HECW1: variants seen among roughly 807,000 people sequenced by gnomAD.
HECW1 encodes HECT, C2 and WW domain containing E3 ubiquitin protein ligase 1.
A neutral mutation model predicts 182.3 loss-of-function variants in HECW1; 61 were observed. That is an observed-to-expected ratio of 0.33 (90% CI 0.27 to 0.41). The LOEUF (loss-of-function observed/expected upper bound fraction) is 0.41, where lower values mean the gene tolerates loss of function less well. HECW1 is among the 10% of genes least tolerant of loss of function. HECW1 has a pLI of 1.00. For missense variants in HECW1, 1,739 were observed against 2,108.9 expected (o/e 0.82, Z 3.44); for synonymous variants, 859 against 832.6 (o/e 1.03, Z -0.55).
chr7:43,264,617 G>T (rs544413295), intron 3 of HECW1, among the ~76,000 whole-genome samples: 1 of 151,970 alleles, frequency 6.6e-6, no homozygotes, highest in Non-Finnish European at 1.5e-5. Context: ...AGGCCAAGGC[G>T]GGCAGATCAC....
intron 8 of HECW1, among the ~76,000 whole-genome samples, chr7:43,431,892 T>C (rs2152866142): frequency 6.6e-6 from 1 of 151,586 alleles, no homozygotes; most frequent in African/African-American, 2.4e-5. Flanking sequence ...TTTTTTTTTT[T>C]TTGAGATGGA....
At position 43,320,717 on chromosome 7, in the gene HECW1, C is replaced by A; in HGVS notation, c.435C>A (p.Ile145=). The stretch of plus-strand genomic sequence containing the variant: ...ATCGGGGCCAGATCATCTGGAAGAT[C>A]GATGCCAGCTCGTACTTTGTGGAAC... ...GSHRGQIIWK[I]DASSYFVEPE... is the part of the protein sequence containing the mutation. Residue 145 remains isoleucine, a synonymous_variant, in exon 5 of 30, where the codon ATC becomes ATA. Coordinates refer to ENST00000395891, the MANE Select transcript of HECW1 (RefSeq NM_015052.5). 6.2e-7 allele frequency: 1 copy of A among 1,613,880 alleles called. No individual in the cohort carries two copies. The highest frequency in any genetic ancestry group is 8.5e-7 in the Non-Finnish European group (1 of 1,179,784).
chr7:43,237,837 C>T (rs1002223808), intron 2 of HECW1, among the ~76,000 whole-genome samples: 4 of 151,528 alleles, frequency 2.6e-5, no homozygotes, highest in South Asian at 2.1e-4. Flanking sequence ...GTCTTTCCCC[C>T]CCGCCGCCCC....
chr7:43,373,175 C>CACGTTGGTG (rs759437067), intron 6 of HECW1, among the ~76,000 whole-genome samples: 1 of 150,522 alleles, frequency 6.6e-6, no homozygotes, highest in Non-Finnish European at 1.5e-5. Context: ...GCTGCCCATG[C>CACGTTGGTG]ACGTTGGTGT....
intron 3 of HECW1, among the ~76,000 whole-genome samples, chr7:43,262,240 A>ATGTGCGTGTGTG (rs1554333023): frequency 9.6e-6 from 1 of 103,780 alleles, no homozygotes; most frequent in Non-Finnish European, 2.0e-5. Context: ...ATATATATGT[A>ATGTGCGTGTGTG]TGTGTGCGTG....
intron 26 of HECW1, among the ~76,000 whole-genome samples, chr7:43,543,401 C>T (rs1025454105): frequency 1.3e-5 from 2 of 152,144 alleles, no homozygotes; most frequent in Non-Finnish European, 2.9e-5. Flanking sequence ...AAAAACATGC[C>T]TCTGAAGAAT....
At chr7:43,308,041 GTA>G (rs1807867031) in intron 3 of HECW1, among the ~76,000 whole-genome samples, 1 of 107,526 alleles carries the variant, frequency 9.3e-6, no homozygotes, top group Non-Finnish European at 1.7e-5. Flanking sequence ...ATATTATATT[GTA>G]TTATATATAA....
intron 11 of HECW1, among the ~76,000 whole-genome samples, chr7:43,450,272 A>G (rs906003535): frequency 9.2e-5 from 14 of 151,370 alleles, no homozygotes; most frequent in African/African-American, 3.4e-4. Context: ...CAGCTTTCCT[A>G]CTACAGGAAT....
chr7:43,290,560 G>T (rs1805273636), intron 3 of HECW1, among the ~76,000 whole-genome samples: 1 of 152,212 alleles, frequency 6.6e-6, no homozygotes, highest in East Asian at 1.9e-4. Context: ...CTCCCTTCTT[G>T]TCATGGATGG....
At chr7:43,358,637 TAATC>T (rs1349054394) in intron 5 of HECW1, among the ~76,000 whole-genome samples, 1 of 152,094 alleles carries the variant, frequency 6.6e-6, no homozygotes, top group Non-Finnish European at 1.5e-5. Context: ...ACCCTACTAA[TAATC>T]AAATAAATGA....
chr7:43,162,653 A>G (rs949934479), intron 2 of HECW1, among the ~76,000 whole-genome samples: 25 of 152,242 alleles, frequency 1.6e-4, no homozygotes, highest in African/African-American at 5.5e-4. Flanking sequence ...CATTCATCTT[A>G]TTACAGGCAG....
chr7:43,261,511 A>C (rs929027843), intron 3 of HECW1, among the ~76,000 whole-genome samples: 1 of 152,196 alleles, frequency 6.6e-6, no homozygotes, highest in Non-Finnish European at 1.5e-5. Flanking sequence ...CTTGGGGGTT[A>C]AATGCAGCTG....
intron 24 of HECW1, among the ~76,000 whole-genome samples, chr7:43,527,383 C>CT (rs34461041): frequency 0.41 from 62,127 of 151,794 alleles, 13,454 homozygotes; most frequent in Non-Finnish European, 0.5. Context: ...AGGGGAGACC[C>CT]TTTTTTTACC....
intron 2 of HECW1, among the ~76,000 whole-genome samples, chr7:43,185,156 G>A (rs111657198): frequency 1.3e-5 from 2 of 152,108 alleles, no homozygotes; most frequent in African/African-American, 4.8e-5. Context: ...GGGATGGTGG[G>A]GGGGAAGGGG....
At chr7:43,263,480 C>G (rs1418137901) in intron 3 of HECW1, among the ~76,000 whole-genome samples, 1 of 152,156 alleles carries the variant, frequency 6.6e-6, no homozygotes, top group Admixed American at 6.5e-5. Flanking sequence ...CATGCCTCAG[C>G]CTCCCGAGTA....
chr7:43,324,197 T>C (rs1810497186), intron 5 of HECW1, among the ~76,000 whole-genome samples: 1 of 152,192 alleles, frequency 6.6e-6, no homozygotes, highest in Non-Finnish European at 1.5e-5. Context: ...GGAATATCAA[T>C]GAAAGTGCAA....
At chr7:43,393,908 T>C (rs2075132798) in intron 6 of HECW1, among the ~76,000 whole-genome samples, 1 of 152,168 alleles carries the variant, frequency 6.6e-6, no homozygotes, top group Non-Finnish European at 1.5e-5. Context: ...AAAATATACA[T>C]TGGAATGCAC....
rs768822348 is a variant in HECW1, at chr7:43,360,894, A to G, written c.469A>G (p.Lys157Glu). 6.2e-7 allele frequency: 1 copy of G among 1,613,652 alleles called. No homozygotes were observed. Among genetic ancestry groups the G allele is most frequent in the East Asian group, 2.2e-5 (1 of 44,876 alleles). Residue 157 changes from lysine (K) to glutamate (E), a missense_variant, in exon 6 of 30, where the codon AAG (lysine) becomes GAG (glutamate). Transcript: ENST00000395891. ...ASSYFVEPET[K>E]ICFKYYHGVS... ...TTTTGTTTGTCTTTCAGCTGAAACT[A>G]AGATCTGCTTCAAATACTACCATGG... is the stretch of plus-strand genomic sequence containing the variant.
rs2079555934 is a variant in HECW1 at position 43,505,826 on chromosome 7, TC to T, written c.3632-1310del. Among the ~76,000 whole-genome samples the T allele has an allele frequency of 2.0e-5, 3 of 152,232 alleles. No homozygotes were observed. The South Asian group carries it at 6.2e-4, about 32-fold the overall frequency. ...TTCTGTGATCTCAAAGAACTGGTTT[TC>T]TTTCCTTCATGGATAGCAATCATTG... On this transcript the variant is annotated intron_variant, in intron 21 of 29. Coordinates refer to ENST00000395891, the MANE Select transcript of HECW1 (RefSeq NM_015052.5).
Sources: allele counts gnomAD v4.1 joint callset (sites outside exome capture counted in the v4.1 genomes callset), GRCh38; gene constraint gnomAD v4.1.1; transcripts MANE v1.5; gene names NCBI Gene and HGNC (gene_info 2026-07-23, HGNC 2026-07-21).